Variants in SGCZ observed in about 807,000 individuals in gnomAD.
SGCZ encodes the protein zeta-sarcoglycan.
In SGCZ, 40 loss-of-function variants were observed where a neutral mutation model predicts 41.3. The observed-to-expected ratio is 0.97, with a 90% confidence interval of 0.75 to 1.26. The LOEUF (loss-of-function observed/expected upper bound fraction) is 1.26. Ranked by LOEUF, SGCZ falls within the 50% of genes most tolerant of loss-of-function variation. SGCZ has a pLI of 0.00. For synonymous variants in SGCZ, 206 were observed against 137.5 expected (o/e 1.50, Z -3.49); for missense variants, 552 against 369.8 (o/e 1.49, Z -4.04).
intron 1 of SGCZ, among the ~76,000 whole-genome samples, chr8:14,840,679 A>G (rs1802871532): frequency 6.6e-6 from 1 of 152,104 alleles, no homozygotes. Flanking sequence ...TCAATTGAGG[A>G]TATCTAAATA....
At chr8:15,146,378 T>G (rs268445) in intron 1 of SGCZ, among the ~76,000 whole-genome samples, 7,763 of 152,254 alleles carry the variant, frequency 0.051, 658 homozygotes, top group African/African-American at 0.18. Flanking sequence ...AACATTTATT[T>G]ATTATGAGAA....
chr8:14,819,916 A>G (rs967321199), intron 1 of SGCZ, among the ~76,000 whole-genome samples: 1 of 152,088 alleles, frequency 6.6e-6, no homozygotes, highest in African/African-American at 2.4e-5. Context: ...GAAAACCACC[A>G]AACTACTAAA....
intron 1 of SGCZ, among the ~76,000 whole-genome samples, chr8:15,026,308 G>A (rs1424183610): frequency 6.6e-6 from 1 of 152,200 alleles, no homozygotes; most frequent in East Asian, 1.9e-4. Context: ...CATAATTTCT[G>A]AATGTCCTAC....
At chr8:14,900,046 T>C (rs1798912084) in intron 1 of SGCZ, among the ~76,000 whole-genome samples, 1 of 152,072 alleles carries the variant, frequency 6.6e-6, no homozygotes, top group African/African-American at 2.4e-5. Flanking sequence ...TCTCCAGTGT[T>C]CTGTGGAAGT....
chr8:14,450,291 C>T (rs1800554032), intron 2 of SGCZ, among the ~76,000 whole-genome samples: 1 of 151,670 alleles, frequency 6.6e-6, no homozygotes, highest in Admixed American at 6.6e-5. Context: ...TACAAAAACA[C>T]TCTCATGAAT....
intron 1 of SGCZ, among the ~76,000 whole-genome samples, chr8:14,807,359 G>C (rs1172577771): frequency 6.6e-6 from 1 of 152,054 alleles, no homozygotes. Context: ...ATCTCCTTAA[G>C]CTGATAAGCA....
At chr8:14,578,908 T>C (rs943746200) in intron 1 of SGCZ, among the ~76,000 whole-genome samples, 1 of 152,192 alleles carries the variant, frequency 6.6e-6, no homozygotes, top group Non-Finnish European at 1.5e-5. Flanking sequence ...TCTATGTTTT[T>C]GTATGGATCA....
intron 1 of SGCZ, among the ~76,000 whole-genome samples, chr8:14,703,561 A>C (rs2117605901): frequency 6.6e-6 from 1 of 152,168 alleles, no homozygotes; most frequent in East Asian, 1.9e-4. Context: ...ACACAAGGGC[A>C]GAAACTCTAT....
chr8:15,177,036 T>C (rs147206258), intron 1 of SGCZ, among the ~76,000 whole-genome samples: 20 of 152,258 alleles, frequency 1.3e-4, no homozygotes, highest in African/African-American at 4.6e-4. Flanking sequence ...AAAGACACTA[T>C]ATGAAAACTA....
chr8:14,271,186 T>G (rs894453291), intron 3 of SGCZ, among the ~76,000 whole-genome samples: 1 of 151,962 alleles, frequency 6.6e-6, no homozygotes, highest in Non-Finnish European at 1.5e-5. Flanking sequence ...ACCGTAAAAC[T>G]TAAAGTATAA....
intron 1 of SGCZ, among the ~76,000 whole-genome samples, chr8:15,119,986 C>T (rs1807419529): frequency 6.9e-6 from 1 of 144,156 alleles, no homozygotes. Flanking sequence ...TTTGGTGTTG[C>T]TTTTGTTTTT....
intron 2 of SGCZ, among the ~76,000 whole-genome samples, chr8:14,393,225 T>C (rs1026668784): frequency 6.6e-6 from 1 of 151,970 alleles, no homozygotes; most frequent in African/African-American, 2.4e-5. Flanking sequence ...TATATGGGAG[T>C]CCTCAGTAAG....
At chr8:14,720,067 A>T (rs553054892) in intron 1 of SGCZ, among the ~76,000 whole-genome samples, 1 of 152,024 alleles carries the variant, frequency 6.6e-6, no homozygotes, top group Non-Finnish European at 1.5e-5. Context: ...TCAGCTTTCT[A>T]CATATGGCTA....
At chr8:14,504,049 CATT>C (rs1313835786) in intron 2 of SGCZ, among the ~76,000 whole-genome samples, 1 of 152,008 alleles carries the variant, frequency 6.6e-6, no homozygotes, top group Admixed American at 6.6e-5. Context: ...CTAAAGTTAT[CATT>C]ATTTTTCCAA....
At chr8:14,765,474 C>T (rs1427805595) in intron 1 of SGCZ, among the ~76,000 whole-genome samples, 1 of 152,080 alleles carries the variant, frequency 6.6e-6, no homozygotes, top group Non-Finnish European at 1.5e-5. Context: ...AATTCTATTG[C>T]TATGAAACTA....
chr8:15,168,215 A>G (rs1799721442), intron 1 of SGCZ, among the ~76,000 whole-genome samples: 1 of 152,142 alleles, frequency 6.6e-6, no homozygotes, highest in Non-Finnish European at 1.5e-5. Context: ...AGCCCTAGGA[A>G]GGAAAACTGG....
chr8:14,823,732 T>C (rs554794120), intron 1 of SGCZ, among the ~76,000 whole-genome samples: 2 of 152,332 alleles, frequency 1.3e-5, no homozygotes, highest in South Asian at 2.1e-4. Flanking sequence ...CCTGTGTCTA[T>C]ATTCAAAGGA....
intron 4 of SGCZ, among the ~76,000 whole-genome samples, chr8:14,202,241 C>A (rs928331977): frequency 6.6e-6 from 1 of 152,138 alleles, no homozygotes; most frequent in Non-Finnish European, 1.5e-5. Context: ...GAAAGACAGT[C>A]ACGGGCCAAG....
chr8:14,774,323 A>G (rs1275891920), intron 1 of SGCZ, among the ~76,000 whole-genome samples: 1 of 152,136 alleles, frequency 6.6e-6, no homozygotes, highest in African/African-American at 2.4e-5. Context: ...GCATCAGCCA[A>G]TTTCTTAAGT....
Sources: allele counts gnomAD v4.1 joint callset (sites outside exome capture counted in the v4.1 genomes callset), GRCh38; gene constraint gnomAD v4.1.1; transcripts MANE v1.5; gene names NCBI Gene and HGNC (gene_info 2026-07-23, HGNC 2026-07-21).